Variants in GNA13 observed in about 807,000 individuals in gnomAD.
GNA13 encodes guanine nucleotide-binding protein subunit alpha-13.
Under a neutral mutation model 33.5 loss-of-function variants are expected in GNA13, and 4 were observed. The observed-to-expected ratio is 0.12, with a 90% CI of 0.06 to 0.27. GNA13 has a LOEUF of 0.27. Ranked by LOEUF, GNA13 falls within the 10% of genes least tolerant of loss-of-function variation. GNA13 has a pLI of 1.00. For synonymous variants in GNA13, 176 were observed against 183.8 expected, an observed-to-expected ratio of 0.96 and a Z score of 0.34; for missense variants, 319 against 487.2, an observed-to-expected ratio of 0.65 and a Z score of 3.25.
At chr17:65,047,691 CCTCA>C (rs1319274539) in intron 2 of GNA13, among the ~76,000 whole-genome samples, 1 of 150,308 alleles carries the variant, frequency 6.7e-6, no homozygotes, top group Non-Finnish European at 1.5e-5. Flanking sequence ...AGGGGGCTGT[CCTCA>C]CTATGTTGCC....
chr17:65,014,342 A>G lies in GNA13; in HGVS notation c.1049T>C (p.Ile350Thr). 1 of 1,613,698 alleles carries G rather than the reference A, an allele frequency of 6.2e-7. No homozygotes were observed. The highest frequency in any genetic ancestry group is 2.2e-5 in the East Asian group (1 of 44,888). Residue 350 changes from isoleucine to threonine, a missense_variant, in exon 4 of 4, where the codon ATC becomes ACC. This residue lies in a region of GNA13 where 134 missense variants were observed against 241.3 expected (regional missense o/e 0.56). Coordinates refer to ENST00000439174, the MANE Select transcript of GNA13 (RefSeq NM_006572.6). This position sits in a 1 kb window ranked among gnomAD's most constrained non-coding sequence, Gnocchi z 5.3. ...AACAAGGCGGATGTTCTCCGTGTTG[A>G]TAGCAGTGGTGAAGTGGTGGTATAA... ...KPLYHHFTTA[I>T]NTENIRLVFR...
chr17:65,015,487 C>T (rs1361094186), intron 3 of GNA13, among the ~76,000 whole-genome samples: 1 of 151,716 alleles, frequency 6.6e-6, no homozygotes, highest in African/African-American at 2.4e-5. Context: ...ACAGTGAAAC[C>T]CCATCTCTAC....
chr17:65,022,170 G>A (rs1367857693), intron 2 of GNA13, among the ~76,000 whole-genome samples: 3 of 152,014 alleles, frequency 2.0e-5, no homozygotes, highest in East Asian at 3.8e-4. Context: ...TATGAAATTC[G>A]AACTTCAACA....
chr17:65,042,951 G>C (rs1306263432), intron 2 of GNA13, among the ~76,000 whole-genome samples: 2 of 152,060 alleles, frequency 1.3e-5, no homozygotes, highest in Non-Finnish European at 2.9e-5. Flanking sequence ...AAGCCCATTA[G>C]GAATATTAAT....
At chr17:65,018,353 T>C (rs762220596) in intron 2 of GNA13, 50 bp from the exon 3 acceptor site, 2 of 927,554 alleles carry the variant, frequency 2.2e-6, no homozygotes, top group Admixed American at 1.7e-5. Flanking sequence ...AAATGGAAGA[T>C]CTTGTTACAA....
chr17:65,016,224 A>T (rs1906362869), intron 3 of GNA13, among the ~76,000 whole-genome samples: 1 of 152,244 alleles, frequency 6.6e-6, no homozygotes, highest in Non-Finnish European at 1.5e-5. Flanking sequence ...TATTTTAAAA[A>T]TCAAGGCAGG....
chr17:65,016,784 A>G (rs527310137), intron 3 of GNA13, among the ~76,000 whole-genome samples: 27 of 152,356 alleles, frequency 1.8e-4, no homozygotes, highest in Admixed American at 1.2e-3. Context: ...TTGTTCAGAT[A>G]CACGCCTGCT....
At chr17:65,031,917 A>AGTGTGT (rs1423818583) in intron 2 of GNA13, among the ~76,000 whole-genome samples, 16 of 128,246 alleles carry the variant, frequency 1.2e-4, no homozygotes, top group South Asian at 2.4e-4. Flanking sequence ...AGAGAGAGAG[A>AGTGTGT]GAGAGTGTGT....
At chr17:65,031,921 AGTGT>A (rs148637639) in intron 2 of GNA13, among the ~76,000 whole-genome samples, 1,148 of 91,616 alleles carry the variant, frequency 0.013, 4 homozygotes, top group Admixed American at 0.025. Context: ...AGAGAGAGAG[AGTGT>A]GTGTGTGTGT....
At chr17:65,015,307 A>G (rs1906323339) in intron 3 of GNA13, among the ~76,000 whole-genome samples, 1 of 152,092 alleles carries the variant, frequency 6.6e-6, no homozygotes, top group Non-Finnish European at 1.5e-5. Flanking sequence ...TCTTGGTTCT[A>G]GCCAGAGTGA....
chr17:65,040,187 C>G (rs918948396), intron 2 of GNA13, among the ~76,000 whole-genome samples: 3 of 152,022 alleles, frequency 2.0e-5, no homozygotes, highest in Non-Finnish European at 4.4e-5. Context: ...AAAACACCAA[C>G]TTTAAAATTG....
Position 65,010,236 on chromosome 17 carries a change from ATGT to A in GNA13, c.*4018_*4020del, listed in dbSNP as rs973644636. On this transcript the variant is annotated 3_prime_UTR_variant, in exon 4 of 4. Transcript: ENST00000439174. ...TGGTACAAACACTGTACTCCAAATG[ATGT>A]TGTTAATCACCTACCAGCCTAAGAC... Among the ~76,000 whole-genome samples, 24 of 152,170 alleles carry A rather than the reference ATGT, an allele frequency of 1.6e-4. No homozygotes were observed. The highest frequency in any genetic ancestry group is 4.3e-4 in the African/African-American group (18 of 41,432).
Sources: gnomAD v4.1 joint callset for allele counts (sites outside exome capture counted in the v4.1 genomes callset) on GRCh38, gnomAD v4.1.1 for gene constraint, gnomAD v4.1.1 regional missense constraint, Gnocchi (gnomAD v3.1) non-coding constraint, MANE v1.5 for transcripts, NCBI Gene and HGNC (gene_info 2026-07-23, HGNC 2026-07-21) for gene names.